DENND4C: variants seen among roughly 807,000 people sequenced by gnomAD.
The protein encoded by DENND4C is DENN domain containing 4C.
DENND4C carries 108 observed loss-of-function variants against 203.0 expected under a neutral mutation model. The observed-to-expected ratio is 0.53, with a 90% CI of 0.46 to 0.62. The LOEUF (loss-of-function observed/expected upper bound fraction) is 0.62. DENND4C is among the 20% of genes least tolerant of loss of function. DENND4C has a pLI of 0.00. For synonymous variants in DENND4C, 871 were observed against 792.4 expected (o/e 1.10, Z -1.67); for missense variants, 2,481 against 2,301.2 (o/e 1.08, Z -1.60).
At chr9:19,323,037 G>A (rs1022078663) in intron 12 of DENND4C, among the ~76,000 whole-genome samples, 2 of 152,128 alleles carry the variant, frequency 1.3e-5, no homozygotes, top group African/African-American at 4.8e-5. Context: ...GGGCATGATG[G>A]CTCATGCCTG....
At position 19,374,269 on chromosome 9, in the gene DENND4C, T is replaced by G. The variant is rs541011517; in HGVS notation, c.*2096T>G. On this transcript the variant is annotated 3_prime_UTR_variant, in exon 33 of 33. Coordinates refer to ENST00000434457, the MANE Select transcript of DENND4C (RefSeq NM_001330640.2). Reference sequence around the variant, plus strand: ...CCATTAAAAAAAATCTGTAAAGATCTCTACCTTGAAAACTTTAGTCTGCTG... The same window carrying G: ...CCATTAAAAAAAATCTGTAAAGATCGCTACCTTGAAAACTTTAGTCTGCTG... 1.3e-5 allele frequency among the ~76,000 whole-genome samples: 2 copies of G among 152,320 alleles called. No individual in the cohort carries two copies. Among genetic ancestry groups the G allele is most frequent in the South Asian group, 2.1e-4 (1 of 4,822 alleles).
At chr9:19,278,065 CTTTTTTTTCTTTTTT>C (rs1244021629) in intron 2 of DENND4C, among the ~76,000 whole-genome samples, 1 of 117,316 alleles carries the variant, frequency 8.5e-6, no homozygotes, top group Non-Finnish European at 1.7e-5. Context: ...TTCATGAAGC[CTTTTTTTTCTTTTTT>C]TTTTTTTTTT....
chr9:19,290,663 T>G (rs1264908357), intron 4 of DENND4C, 41 bp from the exon 5 acceptor site: 1 of 1,302,492 alleles, frequency 7.7e-7, no homozygotes, highest in Non-Finnish European at 1.0e-6. Flanking sequence ...TATGGAAAAG[T>G]AACTATTTAA....
chr9:19,236,202 A>G (rs1588704638), intron 1 of DENND4C, among the ~76,000 whole-genome samples: 1 of 152,162 alleles, frequency 6.6e-6, no homozygotes, highest in African/African-American at 2.4e-5. Flanking sequence ...TAAGAATAAT[A>G]TAAAAAGGTG....
chr9:19,322,595 G>T (rs186952771), intron 12 of DENND4C, among the ~76,000 whole-genome samples: 7 of 151,886 alleles, frequency 4.6e-5, no homozygotes, highest in Admixed American at 6.6e-5. Context: ...AATTAGCCAG[G>T]CGTGGTGGCG....
Position 19,324,403 on chromosome 9 carries a change from AC to A in DENND4C, c.1852del (p.Leu618PhefsTer18). ...AGATCGTGCCTATGCAAAATTCTATACCCTTTTATCCAAAACACAGATTTTT... is the reference window on the plus strand; with the variant it reads ...AGATCGTGCCTATGCAAAATTCTATACCTTTTATCCAAAACACAGATTTTT... ...SRDRAYAKFY[T>X]LLSKTQIFIR... On this transcript the variant is annotated frameshift_variant, in exon 13 of 33. Transcript: ENST00000434457. LOFTEE classifies it high-confidence loss of function. 1 of 1,612,118 alleles carries A rather than the reference AC, an allele frequency of 6.2e-7. No individual in the cohort carries two copies. The highest frequency in any genetic ancestry group is 8.5e-7 in the Non-Finnish European group (1 of 1,179,376).
intron 10 of DENND4C, 128 bp downstream of exon 10, chr9:19,305,655 T>A: frequency 1.1e-6 from 1 of 870,016 alleles, no homozygotes; most frequent in Non-Finnish European, 1.7e-6. Context: ...ATACAGCAGC[T>A]CTCAACCAGG....
rs541976768 is a variant in DENND4C, at chr9:19,374,010, A to G, written c.*1837A>G. On this transcript the variant is annotated 3_prime_UTR_variant, in exon 33 of 33. Transcript: ENST00000434457. Reference sequence around the variant, plus strand: ...TGGATCTTTTGCACTGTCTGAGAGTATATATTTTTGCAACTCAAGACTTGG... The same window carrying G: ...TGGATCTTTTGCACTGTCTGAGAGTGTATATTTTTGCAACTCAAGACTTGG... Among the ~76,000 whole-genome samples the G allele has an allele frequency of 1.6e-4, 24 of 152,290 alleles. No homozygotes were observed. The highest frequency in any genetic ancestry group is 1.4e-3 in the Admixed American group (22 of 15,284).
intron 9 of DENND4C, among the ~76,000 whole-genome samples, chr9:19,300,920 C>T (rs1838426727): frequency 6.6e-6 from 1 of 152,172 alleles, no homozygotes; most frequent in Admixed American, 6.5e-5. Context: ...TGGCTTACAC[C>T]TGTAATCCCA....
In DENND4C at chr9:19,352,192, C is replaced by T. The variant is rs1824296513; in HGVS notation, c.4605+10C>T. The stretch of plus-strand genomic sequence containing the variant: ...GAATTGTGCAATGGAGGTAAAAGTT[C>T]TATATTCAGTTCATGATAAAGTAGC... On this transcript the variant is annotated intron_variant, in intron 25 of 32. Coordinates refer to ENST00000434457, the MANE Select transcript of DENND4C (RefSeq NM_001330640.2). 1.2e-6 allele frequency: 2 copies of T among 1,604,192 alleles called. No individual in the cohort carries two copies. The highest frequency in any genetic ancestry group is 4.5e-5 in the East Asian group (2 of 44,752).
Position 19,358,506 on chromosome 9 carries a change from C to T in DENND4C, c.5160+346C>T, listed in dbSNP as rs1019671626. 4.7e-5 allele frequency among the ~76,000 whole-genome samples: 7 copies of T among 148,906 alleles called. No individual in the cohort carries two copies. Among genetic ancestry groups the T allele is most frequent in the African/African-American group, 1.8e-4 (7 of 38,426 alleles). ...AGTATGTATCCCTGAATGATGAGGA[C>T]TTTAGAAAAATATAATCACACTGCT... On this transcript the variant is annotated intron_variant, in intron 28 of 32. Coordinates refer to ENST00000434457, the MANE Select transcript of DENND4C (RefSeq NM_001330640.2). This position sits in a 1 kb window ranked among gnomAD's most constrained non-coding sequence, Gnocchi z 4.8.
At position 19,306,783 on chromosome 9, in the gene DENND4C, A is replaced by G. The variant is rs1839765677; in HGVS notation, c.1487+1256A>G. Among the ~76,000 whole-genome samples, 3 of 147,578 alleles carry G rather than the reference A, an allele frequency of 2.0e-5. 1 individual carries two copies. Among genetic ancestry groups the G allele is most frequent in the African/African-American group, 7.8e-5 (3 of 38,646 alleles). On this transcript the variant is annotated intron_variant, in intron 10 of 32. Coordinates refer to ENST00000434457, the MANE Select transcript of DENND4C (RefSeq NM_001330640.2). Reference sequence around the variant, plus strand: ...TATTTATTTATTTATTTATTTATTTATTTATTTATTTTGAGACAGAGTCTC... The same window carrying G: ...TATTTATTTATTTATTTATTTATTTGTTTATTTATTTTGAGACAGAGTCTC...
At position 19,346,185 on chromosome 9, in the gene DENND4C, C is replaced by G; in HGVS notation, c.3416C>G (p.Ser1139Cys). Reference sequence around the variant, plus strand: ...GCAGCATTGACATGTCCTAAGACTTCTCTACTTCATATTGCAAGAACCCAT... The same window carrying G: ...GCAGCATTGACATGTCCTAAGACTTGTCTACTTCATATTGCAAGAACCCAT... ...LTAALTCPKT[S>C]LLHIARTHSF... The change falls in exon 23 of 33, where the codon TCT (serine) becomes TGT (cysteine). Residue 1139 changes from serine (S) to cysteine (C), a missense_variant. By Grantham distance (112) the Ser-to-Cys change is moderately radical. Transcript: ENST00000434457. 1 of 1,614,202 alleles carries G rather than the reference C, an allele frequency of 6.2e-7. No individual in the cohort carries two copies. Among genetic ancestry groups the G allele is most frequent in the Non-Finnish European group, 8.5e-7 (1 of 1,180,040 alleles).
chr9:19,299,331 A>T, intron 8 of DENND4C, 44 bp downstream of exon 8: 1 of 1,331,668 alleles, frequency 7.5e-7, no homozygotes, highest in Non-Finnish European at 1.0e-6. Flanking sequence ...CAGTTGGAGC[A>T]GAATGCTTTA....
chr9:19,367,338 C>G (rs760535414), intron 30 of DENND4C, among the ~76,000 whole-genome samples: 3 of 152,216 alleles, frequency 2.0e-5, no homozygotes, highest in Non-Finnish European at 4.4e-5. Flanking sequence ...GTTGCACTCA[C>G]GTATATACCT....
intron 1 of DENND4C, among the ~76,000 whole-genome samples, chr9:19,235,954 A>G (rs529710148): frequency 6.6e-6 from 1 of 151,682 alleles, no homozygotes; most frequent in East Asian, 1.9e-4. Context: ...TAATATTTAA[A>G]GGTTGTTCTC....
Position 19,353,051 on chromosome 9 carries a change from G to A in DENND4C, c.4781+386G>A, listed in dbSNP as rs142811785. 5.7e-3 allele frequency among the ~76,000 whole-genome samples: 865 copies of A among 152,164 alleles called. 5 individuals carry two copies. Among genetic ancestry groups the A allele is most frequent in the South Asian group, 0.02 (94 of 4,818 alleles). On this transcript the variant is annotated intron_variant, in intron 26 of 32. Coordinates refer to ENST00000434457, the MANE Select transcript of DENND4C (RefSeq NM_001330640.2). ...CTAGGAAGGCTGACATAGGAGGATCGCGTGAGCCCAGGAGTTTGAAGCTGC... is the reference window on the plus strand; with the variant it reads ...CTAGGAAGGCTGACATAGGAGGATCACGTGAGCCCAGGAGTTTGAAGCTGC...
rs1188385843 is a variant in DENND4C at position 19,295,871 on chromosome 9, T to A, written c.802-137T>A. On this transcript the variant is annotated intron_variant, in intron 5 of 32. Transcript: ENST00000434457. ...TCTGGTTATCTCTGGGACAGAAATT[T>A]GGGTGAGATTTTTTTTTTCATAATT... 5 of 634,196 alleles carry A rather than the reference T, an allele frequency of 7.9e-6. No individual in the cohort carries two copies. The East Asian group carries it at 1.4e-4, about 18-fold the overall frequency. The allele number at this position is 634,196 out of a possible 1,614,324, so 39.3% of individuals were successfully genotyped here. A position where few individuals can be genotyped will look rare whatever the true frequency, so the allele number is the denominator to read the frequency against.
chr9:19,276,994 A>G (rs570681169), intron 2 of DENND4C, among the ~76,000 whole-genome samples: 2 of 151,996 alleles, frequency 1.3e-5, no homozygotes, highest in South Asian at 2.1e-4. Context: ...TATCTAGTCT[A>G]CCAGTGAAGG....
Sources: gnomAD v4.1 joint callset for allele counts (sites outside exome capture counted in the v4.1 genomes callset) on GRCh38, gnomAD v4.1.1 for gene constraint, Gnocchi (gnomAD v3.1) non-coding constraint, MANE v1.5 for transcripts, NCBI Gene and HGNC (gene_info 2026-07-23, HGNC 2026-07-21) for gene names.